Variants in APC observed in about 807,000 individuals in gnomAD.
APC encodes the protein APC regulator of Wnt signaling pathway.
Under a neutral mutation model 247.0 loss-of-function variants are expected in APC, and 72 were observed. The ratio of observed to expected loss-of-function variants is 0.29; its 90% CI spans 0.24 to 0.35. The LOEUF (loss-of-function observed/expected upper bound fraction) is 0.35. Ranked by LOEUF, APC falls within the 10% of genes least tolerant of loss-of-function variation. The pLI, the probability that APC is intolerant of heterozygous loss-of-function variation, is 1.00. For missense variants in APC, 3,400 were observed against 3,360.7 expected (o/e 1.01, Z -0.29); for synonymous variants, 1,254 against 1,162.5 (o/e 1.08, Z -1.60).
intron 5 of APC, 27 bp downstream of exon 5, chr5:112,775,764 T>A (rs780489621): frequency 1.6e-6 from 2 of 1,257,274 alleles, no homozygotes; most frequent in Non-Finnish European, 2.3e-6. Flanking sequence ...TACAACTTAT[T>A]TGAAACTTTA....
chr5:112,712,850 G>C (rs552017411), intron 1 of APC, among the ~76,000 whole-genome samples: 4 of 152,246 alleles, frequency 2.6e-5, no homozygotes, highest in East Asian at 1.9e-4. Flanking sequence ...CCCCCAAGTT[G>C]TATAATACCC....
At chr5:112,739,441 A>G (rs561840957) in intron 1 of APC, among the ~76,000 whole-genome samples, 4 of 152,366 alleles carry the variant, frequency 2.6e-5, no homozygotes, top group African/African-American at 7.2e-5. Flanking sequence ...TATTTTCAAG[A>G]TAATGCGGAA....
intron 2 of APC, 22 bp from the exon 3 acceptor site, chr5:112,766,304 T>C: frequency 6.9e-7 from 1 of 1,446,376 alleles, no homozygotes; most frequent in South Asian, 1.1e-5. Flanking sequence ...TTCATGTTAA[T>C]ATATTGTGTT....
Position 112,839,019 on chromosome 5 carries a change from A to C in APC, c.3425A>C (p.Asn1142Thr), listed in dbSNP as rs138410865. The C allele has an allele frequency of 8.1e-6, 13 of 1,614,032 alleles. No individual in the cohort carries two copies. The highest frequency in any genetic ancestry group is 1.1e-5 in the Non-Finnish European group (13 of 1,180,032). ...GACTATGAAGATGATAAGCCTACCA[A>C]TTATAGTGAACGTTACTCTGAAGAA... ...EDDYEDDKPTNYSERYSEEEQ... is the reference protein window; with the variant it reads ...EDDYEDDKPTTYSERYSEEEQ... Residue 1142 changes from asparagine to threonine, a missense_variant, in exon 16 of 16, where the codon AAT (asparagine) becomes ACT (threonine). Asn to Thr is a moderately conservative substitution (Grantham distance 65, BLOSUM62 0). Coordinates refer to ENST00000257430, the MANE Select transcript of APC (RefSeq NM_000038.6). The surrounding 1 kb of genome is among the most constrained non-coding windows in gnomAD (Gnocchi z 5.0).
intron 1 of APC, among the ~76,000 whole-genome samples, chr5:112,712,717 C>T (rs1250396035): frequency 1.3e-5 from 2 of 152,122 alleles, no homozygotes; most frequent in Non-Finnish European, 2.9e-5. Flanking sequence ...TTCCTCTTCC[C>T]CCGATTTCTC....
intron 11 of APC, 72 bp downstream of exon 11, chr5:112,822,063 AT>A: frequency 9.8e-7 from 1 of 1,020,706 alleles, no homozygotes; most frequent in Non-Finnish European, 1.5e-6. Flanking sequence ...GAAATTCAGT[AT>A]AGTAAATAAA....
intron 9 of APC, among the ~76,000 whole-genome samples, chr5:112,816,201 T>C (rs1440494973): frequency 6.6e-6 from 1 of 152,190 alleles, no homozygotes; most frequent in Non-Finnish European, 1.5e-5. Flanking sequence ...TGGGCTTTGC[T>C]TTTTCACAAA....
rs374842495 is a variant in APC at position 112,755,101 on chromosome 5, CACTTT to C, written c.135+81_135+85del. On this transcript the variant is annotated intron_variant, in intron 2 of 15. Coordinates refer to ENST00000257430, the MANE Select transcript of APC (RefSeq NM_000038.6). The stretch of plus-strand genomic sequence containing the variant: ...TCCCTCTTGTAAACTTGAGGTAAGA[CACTTT>C]ACTTAAAAGTGTATTTTAAATTAAG... 9.1e-4 allele frequency: 1,444 copies of C among 1,592,052 alleles called. 13 individuals are homozygous for C. The African/African-American group carries it at 0.017, about 19-fold the overall frequency.
Position 112,835,188 on chromosome 5 carries a change from CT to C in APC, c.1958+27del, listed in dbSNP as rs1402242990. The C allele has an allele frequency of 2.2e-5, 34 of 1,576,078 alleles. No individual in the cohort carries two copies. Among genetic ancestry groups the C allele is most frequent in the Non-Finnish European group, 3.0e-5 (34 of 1,152,472 alleles). On this transcript the variant is annotated intron_variant, in intron 15 of 15. Coordinates refer to ENST00000257430, the MANE Select transcript of APC (RefSeq NM_000038.6). Reference sequence around the variant, plus strand: ...CAGGTATATATAGAGTTTTATATTACTTTTAAAGTACAGAATTCATACTCTC... The same window carrying C: ...CAGGTATATATAGAGTTTTATATTACTTTAAAGTACAGAATTCATACTCTC...
chr5:112,782,321 C>G (rs1758438534), intron 6 of APC, among the ~76,000 whole-genome samples: 1 of 152,124 alleles, frequency 6.6e-6, no homozygotes, highest in African/African-American at 2.4e-5. Context: ...CACTGGGTCC[C>G]TCCCACAACA....
intron 6 of APC, among the ~76,000 whole-genome samples, chr5:112,786,561 G>A (rs1758971785): frequency 6.6e-6 from 1 of 152,270 alleles, no homozygotes; most frequent in South Asian, 2.1e-4. Context: ...TGTGGGAATT[G>A]GTGGGGTGAA....
intron 3 of APC, among the ~76,000 whole-genome samples, chr5:112,766,966 A>G (rs1756403964): frequency 6.6e-6 from 1 of 152,234 alleles, no homozygotes; most frequent in Non-Finnish European, 1.5e-5. Context: ...GAGGAAGTCT[A>G]AGGAAGTACA....
At chr5:112,721,056 T>C (rs1419822848) in intron 1 of APC, among the ~76,000 whole-genome samples, 1 of 151,788 alleles carries the variant, frequency 6.6e-6, no homozygotes, top group Non-Finnish European at 1.5e-5. Context: ...GTAAGTAAGG[T>C]GAGGGAATGT....
intron 6 of APC, 68 bp downstream of exon 6, chr5:112,780,971 G>T: frequency 9.7e-7 from 1 of 1,032,196 alleles, no homozygotes; most frequent in Non-Finnish European, 1.5e-6. Context: ...TTACAGCTCT[G>T]TTAATATTGA....
intron 5 of APC, chr5:112,777,524 A>T (rs1489821998): frequency 6.3e-6 from 1 of 158,520 alleles, no homozygotes; most frequent in East Asian, 1.9e-4. Context: ...ATCCACAGCA[A>T]CTCTCCCAAT....
intron 14 of APC, among the ~76,000 whole-genome samples, chr5:112,832,958 T>C (rs936625923): frequency 1.1e-4 from 16 of 152,130 alleles, no homozygotes; most frequent in Admixed American, 5.2e-4. Flanking sequence ...TTCTAATTAA[T>C]GTTTGTTTCC....
intron 2 of APC, among the ~76,000 whole-genome samples, chr5:112,761,492 A>T (rs1755664411): frequency 6.6e-6 from 1 of 152,230 alleles, no homozygotes; most frequent in Admixed American, 6.5e-5. Flanking sequence ...TGAAATTAAC[A>T]TTGGATGGGC....
At chr5:112,735,224 G>A (rs79438351), upstream of APC, among the ~76,000 whole-genome samples, 1,210 of 152,144 alleles carry the variant, frequency 8.0e-3, 14 homozygotes, top group African/African-American at 0.027. Context: ...TGCACAGGCT[G>A]GAGTACAATG....
chr5:112,740,355 A>G (rs547311878), intron 1 of APC, among the ~76,000 whole-genome samples: 1 of 152,148 alleles, frequency 6.6e-6, no homozygotes, highest in Non-Finnish European at 1.5e-5. Context: ...TTCCTCTTGT[A>G]GTATATCTAA....
Sources: allele counts gnomAD v4.1 joint callset (sites outside exome capture counted in the v4.1 genomes callset), GRCh38; gene constraint gnomAD v4.1.1; non-coding constraint Gnocchi (gnomAD v3.1); transcripts MANE v1.5; gene names NCBI Gene and HGNC (gene_info 2026-07-23, HGNC 2026-07-21).